SPECC1L: variants seen among roughly 807,000 people sequenced by gnomAD.
The protein encoded by SPECC1L is cytospin-A.
In SPECC1L, 40 loss-of-function variants were observed where a neutral mutation model predicts 116.8. That is an observed-to-expected ratio of 0.34 (90% CI 0.27 to 0.45). The LOEUF is 0.45. SPECC1L is among the 20% of genes least tolerant of loss of function. SPECC1L has a pLI of 1.00. For synonymous variants in SPECC1L, 504 were observed against 500.6 expected (o/e 1.01, Z -0.09); for missense variants, 1,110 against 1,373.6 (o/e 0.81, Z 3.03).
At position 24,415,951 on chromosome 22, in the gene SPECC1L, C is replaced by A. The variant is rs941691165; in HGVS notation, c.*1328C>A. On this transcript the variant is annotated 3_prime_UTR_variant, in exon 17 of 17. Coordinates refer to ENST00000314328, the MANE Select transcript of SPECC1L (RefSeq NM_015330.6). ...GCTATTGGTTTGAACAATGTCCAGA[C>A]AAGACCTGTACCTTTGAGAATATAA... is the stretch of plus-strand genomic sequence containing the variant. 6.6e-6 allele frequency: 1 copy of A among 152,254 alleles called. No individual in the cohort carries two copies. The highest frequency in any genetic ancestry group is 1.5e-5 in the Non-Finnish European group (1 of 68,056). The allele number at this position is 152,254 out of a possible 1,614,324, so 9.4% of individuals were successfully genotyped here.
At chr22:24,292,160 C>T (rs2049167637) in intron 2 of SPECC1L, among the ~76,000 whole-genome samples, 1 of 152,172 alleles carries the variant, frequency 6.6e-6, no homozygotes, top group Non-Finnish European at 1.5e-5. Flanking sequence ...GGCCTTGGAG[C>T]TCTCTTGTGG....
At chr22:24,375,593 A>G (rs1455416263) in intron 14 of SPECC1L, among the ~76,000 whole-genome samples, 1 of 152,248 alleles carries the variant, frequency 6.6e-6, no homozygotes, top group Non-Finnish European at 1.5e-5. Context: ...AAAATCCAGC[A>G]GCCATTTATG....
Position 24,414,780 on chromosome 22 carries a change from ACTC to A in SPECC1L, c.*158_*160del. ...AGCTCGGGGCTTCCGTATTGGAAGA[ACTC>A]AGCCGTGTGGCCCACAGCTCCCACC... is the stretch of plus-strand genomic sequence containing the variant. On this transcript the variant is annotated 3_prime_UTR_variant, in exon 17 of 17. Transcript: ENST00000314328. The A allele has an allele frequency of 1.5e-6, 1 of 672,588 alleles. No individual in the cohort carries two copies. The highest frequency in any genetic ancestry group is 1.7e-5 in the South Asian group (1 of 60,224). The allele number at this position is 672,588 out of a possible 1,614,324, so 41.7% of individuals were successfully genotyped here.
intron 2 of SPECC1L, among the ~76,000 whole-genome samples, chr22:24,282,812 C>T (rs890401093): frequency 2.0e-5 from 3 of 151,066 alleles, no homozygotes; most frequent in Non-Finnish European, 4.4e-5. Flanking sequence ...GGGTCGCACC[C>T]TGTCACCCAG....
intron 14 of SPECC1L, among the ~76,000 whole-genome samples, chr22:24,374,836 T>A (rs2041940965): frequency 8.8e-5 from 11 of 125,126 alleles, no homozygotes; most frequent in East Asian, 2.5e-4. Context: ...AGGAAGGAAA[T>A]AAAGATTAGA....
chr22:24,340,327 T>C lies in SPECC1L; in HGVS notation c.2652+1850T>C, dbSNP rs184512316. Among the ~76,000 whole-genome samples, 74 of 152,006 alleles carry C rather than the reference T, an allele frequency of 4.9e-4. 1 individual carries two copies. The highest frequency in any genetic ancestry group is 2.2e-3 in the Admixed American group (33 of 15,260). The stretch of plus-strand genomic sequence containing the variant: ...CACACCCAGCTAATTTTTGTATTTT[T>C]AGTAGAGACGGTTTTAACCACGTTG... On this transcript the variant is annotated intron_variant, in intron 10 of 16. Transcript: ENST00000314328.
At chr22:24,384,324 C>T (rs2042120469) in intron 14 of SPECC1L, among the ~76,000 whole-genome samples, 1 of 152,032 alleles carries the variant, frequency 6.6e-6, no homozygotes, top group Non-Finnish European at 1.5e-5. Flanking sequence ...GATTTGTCAC[C>T]AGCAGGCCCA....
chr22:24,365,717 A>G, intron 13 of SPECC1L, 85 bp downstream of exon 13: 1 of 1,475,580 alleles, frequency 6.8e-7, no homozygotes, highest in Non-Finnish European at 9.4e-7. Flanking sequence ...AAATGATGGC[A>G]TTTGAGCACT....
intron 14 of SPECC1L, among the ~76,000 whole-genome samples, chr22:24,401,205 C>T (rs1601352251): frequency 6.6e-6 from 1 of 152,178 alleles, no homozygotes; most frequent in East Asian, 1.9e-4. Context: ...TCTTTTAGGT[C>T]TCTTTCAGTT....
intron 2 of SPECC1L, among the ~76,000 whole-genome samples, chr22:24,290,299 T>C (rs2049133222): frequency 6.6e-6 from 1 of 152,132 alleles, no homozygotes; most frequent in African/African-American, 2.4e-5. Flanking sequence ...GGAGAGGACA[T>C]AGAGTACAGT....
rs1251453422 is a variant in SPECC1L, at chr22:24,361,954, C to T, written c.2744-1307C>T. Among the ~76,000 whole-genome samples the T allele has an allele frequency of 2.0e-5, 3 of 152,168 alleles. 1 individual carries two copies. Among genetic ancestry groups the T allele is most frequent in the South Asian group, 4.1e-4 (2 of 4,832 alleles). On this transcript the variant is annotated intron_variant, in intron 11 of 16. Transcript: ENST00000314328. ...AATATATGTTATCCTTAAGAGATAGCATGATATGCCATTACTTTTGACATC... is the reference window on the plus strand; with the variant it reads ...AATATATGTTATCCTTAAGAGATAGTATGATATGCCATTACTTTTGACATC...
At position 24,332,458 on chromosome 22, in the gene SPECC1L, C is replaced by A. The variant is rs571022609; in HGVS notation, c.2397-1952C>A. On this transcript the variant is annotated intron_variant, in intron 8 of 16. Coordinates refer to ENST00000314328, the MANE Select transcript of SPECC1L (RefSeq NM_015330.6). ...AGTTCACTTATATGGTTTCAGATTC[C>A]ACATTGGAGCTAACTTTTAAGTTAC... Among the ~76,000 whole-genome samples the A allele has an allele frequency of 5.3e-5, 8 of 152,266 alleles. No individual in the cohort carries two copies. In the South Asian group the frequency reaches 1.7e-3, roughly 32 times the overall value.
chr22:24,315,624 A>C (rs1457648919), intron 4 of SPECC1L, among the ~76,000 whole-genome samples: 1 of 152,188 alleles, frequency 6.6e-6, no homozygotes, highest in Non-Finnish European at 1.5e-5. Flanking sequence ...GTGTTTGTAT[A>C]CTTAGTTTCT....
At chr22:24,342,856 G>A (rs2041206528) in intron 10 of SPECC1L, among the ~76,000 whole-genome samples, 1 of 151,994 alleles carries the variant, frequency 6.6e-6, no homozygotes, top group East Asian at 1.9e-4. Flanking sequence ...AAGAAAAAAA[G>A]GCGGGTCGGG....
At chr22:24,305,710 C>A (rs577729190) in intron 3 of SPECC1L, among the ~76,000 whole-genome samples, 2 of 152,044 alleles carry the variant, frequency 1.3e-5, no homozygotes, top group Non-Finnish European at 2.9e-5. Context: ...ATTACTGGAC[C>A]GTAGAGTATA....
intron 9 of SPECC1L, 28 bp downstream of exon 9, chr22:24,334,601 A>G (rs2041012355): frequency 6.2e-7 from 1 of 1,612,796 alleles, no homozygotes; most frequent in Non-Finnish European, 8.5e-7. Context: ...CATTGTGCCT[A>G]CTGCATGCGG....
At chr22:24,319,708 TTCG>T (rs2040681036) in intron 4 of SPECC1L, among the ~76,000 whole-genome samples, 1 of 152,160 alleles carries the variant, frequency 6.6e-6, no homozygotes, top group South Asian at 2.1e-4. Context: ...TCTGCTTCCT[TTCG>T]TTGTCTGTCT....
At chr22:24,293,310 G>A (rs1287744067) in intron 2 of SPECC1L, among the ~76,000 whole-genome samples, 6 of 152,096 alleles carry the variant, frequency 3.9e-5, no homozygotes, top group Admixed American at 6.6e-5. Flanking sequence ...AAAATTAACG[G>A]GGCGTGGTGG....
intron 2 of SPECC1L, among the ~76,000 whole-genome samples, chr22:24,286,864 C>T (rs1160802743): frequency 6.6e-6 from 1 of 152,094 alleles, no homozygotes; most frequent in East Asian, 1.9e-4. Context: ...GCTGAGATCG[C>T]GCCACTGCAC....
Sources: gnomAD v4.1 joint callset for allele counts (sites outside exome capture counted in the v4.1 genomes callset) on GRCh38, gnomAD v4.1.1 for gene constraint, MANE v1.5 for transcripts, NCBI Gene and HGNC (gene_info 2026-07-23, HGNC 2026-07-21) for gene names.